CD300E: variants seen among roughly 807,000 people sequenced by gnomAD.
The protein encoded by CD300E is CMRF35-like molecule 2.
Under a neutral mutation model 20.9 loss-of-function variants are expected in CD300E, and 14 were observed. That is an observed-to-expected ratio of 0.67 (90% confidence interval 0.44 to 1.05). CD300E has a LOEUF of 1.05. Ranked by LOEUF, CD300E falls within the 50% of genes least tolerant of loss-of-function variation. The pLI is 0.00. For missense variants in CD300E, 237 were observed against 253.9 expected, an observed-to-expected ratio of 0.93 and a Z score of 0.45; for synonymous variants, 102 against 103.7, an observed-to-expected ratio of 0.98 and a Z score of 0.10.
rs532296715 is a variant in CD300E, at chr17:74,616,734, A to G, written c.388+384T>C. ...CTAAACAGGAAGGTCTTCCCAAGCAAGACATATTTCAAAACAACATGGTAG... is the reference window on the plus strand; with the variant it reads ...CTAAACAGGAAGGTCTTCCCAAGCAGGACATATTTCAAAACAACATGGTAG... On this transcript the variant is annotated intron_variant, in intron 2 of 3. Transcript: ENST00000392619. Among the ~76,000 whole-genome samples, 3 of 152,308 alleles carry G rather than the reference A, an allele frequency of 2.0e-5. No individual in the cohort carries two copies. The East Asian group carries it at 5.8e-4, about 29-fold the overall frequency.
intron 1 of CD300E, among the ~76,000 whole-genome samples, chr17:74,621,771 T>C (rs368009377): frequency 1.3e-5 from 2 of 152,314 alleles, no homozygotes; most frequent in South Asian, 4.1e-4. Flanking sequence ...CTGGACTTCA[T>C]TTCCAGCTTG....
chr17:74,617,509 C>A, intron 1 of CD300E, 44 bp from the exon 2 acceptor site: 1 of 1,520,624 alleles, frequency 6.6e-7, no homozygotes, highest in Non-Finnish European at 9.0e-7. Context: ...TCCAGATGGC[C>A]CCATCAGCAG....
At chr17:74,616,924 C>T (rs555083101) in intron 2 of CD300E, among the ~76,000 whole-genome samples, 194 bp downstream of exon 2, 1 of 152,160 alleles carries the variant, frequency 6.6e-6, no homozygotes, top group Non-Finnish European at 1.5e-5. Context: ...GGCGCCTGAG[C>T]TGTGCACCCC....
Position 74,623,598 on chromosome 17 carries a change from G to T in CD300E, c.24C>A (p.Leu8=). 6.2e-7 allele frequency: 1 copy of T among 1,614,194 alleles called. No individual in the cohort carries two copies. The highest frequency in any genetic ancestry group is 8.5e-7 in the Non-Finnish European group (1 of 1,180,022). The change falls in exon 1 of 4, where the codon CTC becomes CTA. Residue 8 remains leucine, a synonymous_variant. Transcript: ENST00000392619. MWLLPAL[L]LLCLSGCLSL... ...CCCACTCACCTGAGAGGCAGAGAAG[G>T]AGTAGAGCTGGGAGCAGCCACATGT...
chr17:74,617,374 T>G lies in CD300E; in HGVS notation c.132A>C (p.Gly44=). 1 of 1,614,134 alleles carries G rather than the reference T, an allele frequency of 6.2e-7. No homozygotes were observed. The highest frequency in any genetic ancestry group is 8.5e-7 in the Non-Finnish European group (1 of 1,180,034). Residue 44 remains glycine (G), a synonymous_variant, in exon 2 of 4, where the codon GGA becomes GGC. Transcript: ENST00000392619. ...VWCQYESMYK[G]YNKYWCRGQY... ...GTCCTCGGCACCAGTACTTGTTATA[T>G]CCCTTGTACATGCTCTCATACTGAC...
Position 74,623,700 on chromosome 17 carries a change from C to A in CD300E, c.-79G>T. The A allele has an allele frequency of 6.9e-7, 1 of 1,450,168 alleles. No individual in the cohort carries two copies. The highest frequency in any genetic ancestry group is 1.1e-5 in the South Asian group (1 of 87,778). 89.8% of individuals were successfully genotyped at this position (1,450,168 alleles called of 1,614,324 possible). A position where few individuals can be genotyped will look rare whatever the true frequency, so the allele number is the denominator to read the frequency against. On this transcript the variant is annotated 5_prime_UTR_variant, in exon 1 of 4. The change abolishes an upstream ATG in the 5' untranslated region. Coordinates refer to ENST00000392619, the MANE Select transcript of CD300E (RefSeq NM_181449.3). ...CAAGTATATGTAACGGAGCCTGGGT[C>A]ATCCACTTTCTACTTGTCCAAGTTT...
rs2030775846 is a variant in CD300E at position 74,611,423 on chromosome 17, T to C, written c.*1230A>G. 1 of 152,316 alleles carries C rather than the reference T, an allele frequency of 6.6e-6. No homozygotes were observed. The highest frequency in any genetic ancestry group is 6.5e-5 in the Admixed American group (1 of 15,290). 9.4% of individuals were successfully genotyped at this position (152,316 alleles called of 1,614,324 possible). A position where few individuals can be genotyped will look rare whatever the true frequency, so the allele number is the denominator to read the frequency against. ...TCCAGATGTAGGTAGCAAGTGGAGA[T>C]GGTGATGCTTGCTTGTGGCAGACTG... On this transcript the variant is annotated 3_prime_UTR_variant, in exon 4 of 4. Coordinates refer to ENST00000392619, the MANE Select transcript of CD300E (RefSeq NM_181449.3).
At position 74,612,257 on chromosome 17, in the gene CD300E, C is replaced by G. The variant is rs55888228; in HGVS notation, c.*396G>C. 36,210 of 153,378 alleles carry G rather than the reference C, an allele frequency of 0.24. 4,401 individuals are homozygous for G. Among genetic ancestry groups the G allele is most frequent in the African/African-American group, 0.31 (12,544 of 40,286 alleles). The allele number at this position is 153,378 out of a possible 1,614,324, so 9.5% of individuals were successfully genotyped here. The stretch of plus-strand genomic sequence containing the variant: ...TCTCTCTCTCTCTCTGTCTCTCTCT[C>G]TCTCTCTCTCTCTCTCTCTCTGAGA... On this transcript the variant is annotated 3_prime_UTR_variant, in exon 4 of 4. Coordinates refer to ENST00000392619, the MANE Select transcript of CD300E (RefSeq NM_181449.3).
At chr17:74,617,076 T>C (rs1436590527) in intron 2 of CD300E, 42 bp downstream of exon 2, 5 of 1,561,494 alleles carry the variant, frequency 3.2e-6, no homozygotes, top group Non-Finnish European at 4.4e-6. Context: ...CCTTGTCCAG[T>C]CGCACCCCAA....
intron 2 of CD300E, among the ~76,000 whole-genome samples, chr17:74,615,826 C>T (rs1232699867): frequency 6.6e-6 from 1 of 152,176 alleles, no homozygotes; most frequent in Non-Finnish European, 1.5e-5. Flanking sequence ...TGTCTCACTC[C>T]TATAGTCCCA....
chr17:74,620,171 T>G (rs1055691460), intron 1 of CD300E, among the ~76,000 whole-genome samples: 1 of 151,842 alleles, frequency 6.6e-6, no homozygotes, highest in Non-Finnish European at 1.5e-5. Context: ...ATCCTGTCTC[T>G]ACTAAAAATA....
rs773640764 is a variant in CD300E, at chr17:74,610,464, A to G, written c.*2189T>C. ...CCTGATGATTCCAAACACACAGAAA[A>G]CTAAGCTCTGCATCATCCAAGCCTG... On this transcript the variant is annotated 3_prime_UTR_variant, in exon 4 of 4. Coordinates refer to ENST00000392619, the MANE Select transcript of CD300E (RefSeq NM_181449.3). The G allele has an allele frequency of 6.6e-6, 1 of 152,132 alleles. No individual in the cohort carries two copies. The highest frequency in any genetic ancestry group is 2.4e-5 in the African/African-American group (1 of 41,392). 9.4% of individuals were successfully genotyped at this position (152,132 alleles called of 1,614,324 possible). A position where few individuals can be genotyped will look rare whatever the true frequency, so the allele number is the denominator to read the frequency against.
In CD300E at chr17:74,617,384, A is replaced by G. The variant is rs2030927071; in HGVS notation, c.122T>C (p.Met41Thr). The G allele has an allele frequency of 3.7e-6, 6 of 1,613,964 alleles. No homozygotes were observed. Among genetic ancestry groups the G allele is most frequent in the African/African-American group, 1.3e-5 (1 of 74,876 alleles). ...CCAGTACTTGTTATATCCCTTGTACATGCTCTCATACTGACACCACACTGT... is the reference window on the plus strand; with the variant it reads ...CCAGTACTTGTTATATCCCTTGTACGTGCTCTCATACTGACACCACACTGT... ...SLTVWCQYES[M>T]YKGYNKYWCR... Residue 41 changes from methionine to threonine, a missense_variant, in exon 2 of 4, where the codon ATG (methionine) becomes ACG (threonine). Physicochemically the swap from Met to Thr is moderately conservative, Grantham distance 81 (BLOSUM62 -1). Coordinates refer to ENST00000392619, the MANE Select transcript of CD300E (RefSeq NM_181449.3).
chr17:74,621,732 A>G (rs2031026633), intron 1 of CD300E, among the ~76,000 whole-genome samples: 1 of 152,178 alleles, frequency 6.6e-6, no homozygotes, highest in African/African-American at 2.4e-5. Flanking sequence ...TCCATGGCCA[A>G]TGGAAAGAGC....
At chr17:74,614,165 G>A (rs1363504122) in intron 2 of CD300E, 132 bp from the exon 3 acceptor site, 2 of 723,798 alleles carry the variant, frequency 2.8e-6, no homozygotes, top group African/African-American at 1.8e-5. Context: ...CAGATCCAGG[G>A]CACCTCCTGG....
intron 2 of CD300E, among the ~76,000 whole-genome samples, chr17:74,614,386 G>T (rs555219182): frequency 1.3e-5 from 2 of 152,220 alleles, no homozygotes; most frequent in South Asian, 4.1e-4. Context: ...GGGGAAGGAG[G>T]AGTCTAAAGG....
intron 1 of CD300E, among the ~76,000 whole-genome samples, chr17:74,620,671 CTT>C (rs1238489877): frequency 3.3e-5 from 5 of 151,066 alleles, no homozygotes; most frequent in African/African-American, 1.2e-4. Context: ...CTTGTAAAGA[CTT>C]ATATTTCAGA....
At chr17:74,614,534 G>C (rs1159350793) in intron 2 of CD300E, among the ~76,000 whole-genome samples, 1 of 149,290 alleles carries the variant, frequency 6.7e-6, no homozygotes, top group African/African-American at 2.5e-5. Context: ...GTTGGTTGGA[G>C]TGCAATGGCA....
intron 2 of CD300E, among the ~76,000 whole-genome samples, chr17:74,615,998 A>G (rs1469085666): frequency 6.6e-6 from 1 of 152,162 alleles, no homozygotes; most frequent in Non-Finnish European, 1.5e-5. Context: ...AGGTGGGAGG[A>G]TCACGAGCCC....
Sources: allele counts gnomAD v4.1 joint callset (sites outside exome capture counted in the v4.1 genomes callset), GRCh38; gene constraint gnomAD v4.1.1; transcripts MANE v1.5; gene names NCBI Gene and HGNC (gene_info 2026-07-23, HGNC 2026-07-21).